XKR4: variants seen among roughly 807,000 people sequenced by gnomAD.
The protein encoded by XKR4 is XK related 4.
A neutral mutation model predicts 53.9 loss-of-function variants in XKR4; 12 were observed. That is an observed-to-expected ratio of 0.22 (90% CI 0.14 to 0.36). XKR4 has a LOEUF of 0.36. Ranked by LOEUF, XKR4 falls within the 10% of genes least tolerant of loss-of-function variation. The pLI is 1.00. For synonymous variants in XKR4, 354 were observed against 362.4 expected (o/e 0.98, Z 0.26); for missense variants, 799 against 859.5 (o/e 0.93, Z 0.88).
At chr8:55,307,444 G>C (rs1819319984) in intron 1 of XKR4, among the ~76,000 whole-genome samples, 1 of 152,156 alleles carries the variant, frequency 6.6e-6, no homozygotes, top group African/African-American at 2.4e-5. Flanking sequence ...TTGAGCCCAG[G>C]AGTTCAAGAC....
At chr8:55,483,001 CTG>C (rs1286026956) in intron 2 of XKR4, among the ~76,000 whole-genome samples, 4 of 152,170 alleles carry the variant, frequency 2.6e-5, no homozygotes, top group African/African-American at 9.7e-5. Flanking sequence ...TCATAATAAA[CTG>C]AGAAAATTAC....
intron 2 of XKR4, among the ~76,000 whole-genome samples, chr8:55,465,425 C>T (rs1211726691): frequency 6.6e-6 from 1 of 151,974 alleles, no homozygotes; most frequent in Non-Finnish European, 1.5e-5. Flanking sequence ...GAAAAACTGG[C>T]TAGCCATATG....
intron 1 of XKR4, among the ~76,000 whole-genome samples, chr8:55,128,847 C>CCATGCAGCAGTACTGTTATT (rs56922467): frequency 0.034 from 5,204 of 152,178 alleles, 287 homozygotes; most frequent in African/African-American, 0.12. Context: ...CTGCTGTCAT[C>CCATGCAGCAGTACTGTTATT]CATGCAGCAG....
chr8:55,480,492 A>T (rs1304300375), intron 2 of XKR4, among the ~76,000 whole-genome samples: 1 of 152,188 alleles, frequency 6.6e-6, no homozygotes, highest in African/African-American at 2.4e-5. Context: ...AAACTGGCAC[A>T]AGACAGGGAT....
chr8:55,155,741 T>C (rs996298343), intron 1 of XKR4, among the ~76,000 whole-genome samples: 4 of 152,026 alleles, frequency 2.6e-5, no homozygotes, highest in Admixed American at 6.6e-5. Flanking sequence ...ATCAAAAATA[T>C]TAGAATATCG....
At chr8:55,178,791 T>C (rs558203274) in intron 1 of XKR4, among the ~76,000 whole-genome samples, 76 of 152,350 alleles carry the variant, frequency 5.0e-4, no homozygotes, top group African/African-American at 1.8e-3. Flanking sequence ...CTAACAGTTC[T>C]GGTCTGCATA....
chr8:55,509,122 G>T (rs1806585318), intron 2 of XKR4, among the ~76,000 whole-genome samples: 1 of 152,100 alleles, frequency 6.6e-6, no homozygotes, highest in Non-Finnish European at 1.5e-5. Flanking sequence ...CAGTCTTCTA[G>T]AAGGCATAGT....
intron 1 of XKR4, among the ~76,000 whole-genome samples, chr8:55,125,970 C>A (rs1816462109): frequency 6.6e-6 from 1 of 152,158 alleles, no homozygotes; most frequent in Admixed American, 6.5e-5. Context: ...TGTTTGTAGT[C>A]CTCACCTGGA....
chr8:55,279,541 A>C (rs1818807867), intron 1 of XKR4, among the ~76,000 whole-genome samples: 1 of 152,236 alleles, frequency 6.6e-6, no homozygotes, highest in Non-Finnish European at 1.5e-5. Flanking sequence ...GAAGTGGAAA[A>C]GGGTAGCAAA....
At chr8:55,182,176 T>C (rs971139126) in intron 1 of XKR4, among the ~76,000 whole-genome samples, 18 of 152,172 alleles carry the variant, frequency 1.2e-4, no homozygotes, top group Non-Finnish European at 5.9e-5. Flanking sequence ...TAATTGAATA[T>C]GTGGCTTATA....
intron 2 of XKR4, chr8:55,454,052 T>C: frequency 1.2e-6 from 1 of 852,016 alleles, no homozygotes; most frequent in Non-Finnish European, 2.0e-6. Flanking sequence ...CTGCAGCAGC[T>C]GATGGAAGAG....
At chr8:55,313,124 G>A (rs1035771594) in intron 1 of XKR4, among the ~76,000 whole-genome samples, 29 of 152,108 alleles carry the variant, frequency 1.9e-4, no homozygotes, top group Admixed American at 1.0e-3. Flanking sequence ...AACCATAGAA[G>A]TAAAAAGTGT....
intron 2 of XKR4, among the ~76,000 whole-genome samples, chr8:55,444,931 G>C (rs950601778): frequency 6.6e-6 from 1 of 152,062 alleles, no homozygotes; most frequent in Non-Finnish European, 1.5e-5. Flanking sequence ...AAACAACCTA[G>C]ATGTCCATTG....
intron 1 of XKR4, among the ~76,000 whole-genome samples, chr8:55,306,324 AG>A (rs1332428151): frequency 6.6e-6 from 1 of 152,220 alleles, no homozygotes; most frequent in Non-Finnish European, 1.5e-5. Flanking sequence ...ACAGCAAAAA[AG>A]GTCAATGTAA....
chr8:55,534,153 T>C lies in XKR4; in HGVS notation c.*9926T>C, dbSNP rs998512368. On this transcript the variant is annotated 3_prime_UTR_variant, in exon 3 of 3. Transcript: ENST00000327381. ...GAGACTACCATTGTCAGCATTGTAA[T>C]AACCAATTTATAAAAATTGAGTTTT... is the stretch of plus-strand genomic sequence containing the variant. The C allele has an allele frequency of 2.6e-5, 4 of 152,080 alleles. No individual in the cohort carries two copies. The highest frequency in any genetic ancestry group is 5.9e-5 in the Non-Finnish European group (4 of 68,016). The allele number at this position is 152,080 out of a possible 1,614,324, so 9.4% of individuals were successfully genotyped here.
At chr8:55,350,097 A>G (rs952202) in intron 1 of XKR4, among the ~76,000 whole-genome samples, 1 of 152,218 alleles carries the variant, frequency 6.6e-6, no homozygotes, top group Admixed American at 6.5e-5. Context: ...TGCCTTAACA[A>G]TATACAATGA....
At chr8:55,442,635 A>G (rs1158545867) in intron 2 of XKR4, among the ~76,000 whole-genome samples, 1 of 152,248 alleles carries the variant, frequency 6.6e-6, no homozygotes, top group Non-Finnish European at 1.5e-5. Flanking sequence ...ACAAAATATT[A>G]CTTAGCCTTA....
At chr8:55,259,634 G>T (rs1818490225) in intron 1 of XKR4, among the ~76,000 whole-genome samples, 1 of 152,160 alleles carries the variant, frequency 6.6e-6, no homozygotes, top group African/African-American at 2.4e-5. Context: ...TCCTGGAGCA[G>T]AGGGAAGTGA....
At chr8:55,329,317 C>T (rs754391479) in intron 1 of XKR4, among the ~76,000 whole-genome samples, 2 of 152,144 alleles carry the variant, frequency 1.3e-5, no homozygotes, top group East Asian at 1.9e-4. Flanking sequence ...TAGCCCAGGA[C>T]GGCTCTGCAT....
Sources: allele counts gnomAD v4.1 joint callset (sites outside exome capture counted in the v4.1 genomes callset), GRCh38; gene constraint gnomAD v4.1.1; transcripts MANE v1.5; gene names NCBI Gene and HGNC (gene_info 2026-07-23, HGNC 2026-07-21).